The following WDR64 variants were observed in gnomAD, a reference collection of about 807,000 sequenced individuals.
WDR64 encodes WD repeat domain 64, also known as WD repeat-containing protein 64.
WDR64 carries 112 observed loss-of-function variants against 139.3 expected under a neutral mutation model. The observed-to-expected ratio is 0.80, with a 90% confidence interval of 0.69 to 0.94. The LOEUF (loss-of-function observed/expected upper bound fraction) is 0.94. Among genes scored for constraint, WDR64 ranks in the 40% least tolerant of loss-of-function variants. WDR64 has a pLI of 0.00. For synonymous variants in WDR64, 444 were observed against 437.7 expected (o/e 1.01, Z -0.18); for missense variants, 1,206 against 1,293.1 (o/e 0.93, Z 1.03).
At chr1:241,700,995 T>C (rs912527094) in intron 8 of WDR64, among the ~76,000 whole-genome samples, 2 of 152,216 alleles carry the variant, frequency 1.3e-5, no homozygotes, top group Admixed American at 6.5e-5. Context: ...ATTATGATGA[T>C]GCCAACATTC....
intron 8 of WDR64, among the ~76,000 whole-genome samples, chr1:241,692,958 G>A (rs1667354605): frequency 6.6e-6 from 1 of 152,224 alleles, no homozygotes; most frequent in Non-Finnish European, 1.5e-5. Context: ...ATTCATTGCT[G>A]ATGGGAATGC....
At chr1:241,691,903 C>T (rs548713545) in intron 8 of WDR64, among the ~76,000 whole-genome samples, 30 of 151,952 alleles carry the variant, frequency 2.0e-4, no homozygotes, top group African/African-American at 7.0e-4. Context: ...ATCTCAGCTA[C>T]TTGGGAGACT....
chr1:241,795,777 T>C (rs1659345161), intron 26 of WDR64, among the ~76,000 whole-genome samples: 1 of 152,190 alleles, frequency 6.6e-6, no homozygotes, highest in Non-Finnish European at 1.5e-5. Flanking sequence ...CCACCCCAGG[T>C]AACCTTTGTT....
At chr1:241,691,155 G>A (rs916599989) in intron 8 of WDR64, among the ~76,000 whole-genome samples, 3 of 152,066 alleles carry the variant, frequency 2.0e-5, no homozygotes, top group Admixed American at 6.6e-5. Flanking sequence ...TTTAAAAAAT[G>A]TGTAACTTAT....
In WDR64 at chr1:241,652,522, T is replaced by C. The variant is rs1665399826; in HGVS notation, c.38T>C (p.Leu13Pro). ...IRKEKRLNMA[L>P]QMSNFKKALN... ...AAGGAAAAGCGTCTCAACATGGCACTTCAGATGAGCAATTTCAAAAAGGCT... is the reference window on the plus strand; with the variant it reads ...AAGGAAAAGCGTCTCAACATGGCACCTCAGATGAGCAATTTCAAAAAGGCT... Residue 13 changes from leucine to proline, a missense_variant, in exon 1 of 28, where the codon CTT becomes CCT. By Grantham distance (98) the Leu-to-Pro change is moderately conservative. Coordinates refer to ENST00000437684, the MANE Select transcript of WDR64 (RefSeq NM_001367482.1). The C allele has an allele frequency of 6.4e-7, 1 of 1,552,172 alleles. No homozygotes were observed. The highest frequency in any genetic ancestry group is 2.0e-5 in the Admixed American group (1 of 50,994).
At chr1:241,672,316 A>C (rs759633659) in intron 3 of WDR64, among the ~76,000 whole-genome samples, 37 of 151,576 alleles carry the variant, frequency 2.4e-4, no homozygotes, top group Non-Finnish European at 4.6e-4. Flanking sequence ...AGAAAAAGAA[A>C]ACACACACAC....
At chr1:241,689,727 AGAC>A (rs1372089921) in intron 8 of WDR64, among the ~76,000 whole-genome samples, 2 of 152,230 alleles carry the variant, frequency 1.3e-5, no homozygotes, top group East Asian at 3.8e-4. Context: ...AGCAGGCAGC[AGAC>A]AAGAACAGAC....
At chr1:241,736,505 G>C (rs1398126947) in intron 10 of WDR64, among the ~76,000 whole-genome samples, 3 of 151,846 alleles carry the variant, frequency 2.0e-5, no homozygotes, top group African/African-American at 7.3e-5. Flanking sequence ...TTGTGTGAAT[G>C]CACAGAGACC....
At chr1:241,788,799 T>C (rs1296173798) in intron 24 of WDR64, among the ~76,000 whole-genome samples, 2 of 152,130 alleles carry the variant, frequency 1.3e-5, no homozygotes, top group East Asian at 3.9e-4. Context: ...AAGGACTACT[T>C]TGGCTGGCCA....
chr1:241,747,222 G>T (rs930701953), intron 13 of WDR64, among the ~76,000 whole-genome samples: 1 of 152,204 alleles, frequency 6.6e-6, no homozygotes, highest in African/African-American at 2.4e-5. Context: ...GAACATTTCT[G>T]TATATTGGTT....
chr1:241,700,596 G>A (rs1667674599), intron 8 of WDR64, among the ~76,000 whole-genome samples: 1 of 152,208 alleles, frequency 6.6e-6, no homozygotes, highest in Non-Finnish European at 1.5e-5. Flanking sequence ...AAGTGAGTAA[G>A]GGAGCACTTT....
At chr1:241,728,901 C>A (rs1312736124) in intron 10 of WDR64, among the ~76,000 whole-genome samples, 1 of 151,418 alleles carries the variant, frequency 6.6e-6, no homozygotes, top group Non-Finnish European at 1.5e-5. Context: ...GTAAAAGTTG[C>A]TAATTTTCGT....
Position 241,744,533 on chromosome 1 carries a change from G to T in WDR64, c.1594+17G>T, listed in dbSNP as rs369507516. On this transcript the variant is annotated intron_variant, in intron 13 of 27. Coordinates refer to ENST00000437684, the MANE Select transcript of WDR64 (RefSeq NM_001367482.1). ...CGTATAATGGTCAGACTAACATCCA[G>T]AATGTGGCGTCCCTGCTTTAGTGTC... 5.0e-6 allele frequency: 8 copies of T among 1,612,060 alleles called. No homozygotes were observed. The highest frequency in any genetic ancestry group is 6.8e-6 in the Non-Finnish European group (8 of 1,179,598).
chr1:241,780,467 T>C (rs910940883), intron 22 of WDR64, among the ~76,000 whole-genome samples: 1 of 152,250 alleles, frequency 6.6e-6, no homozygotes, highest in Non-Finnish European at 1.5e-5. Context: ...TTCTTATTTC[T>C]AGTCTAAATT....
chr1:241,780,125 G>T (rs1658793975), intron 22 of WDR64, 63 bp downstream of exon 22: 2 of 1,311,208 alleles, frequency 1.5e-6, no homozygotes, highest in Non-Finnish European at 2.1e-6. Flanking sequence ...GCATTTCTCT[G>T]TGCTAGACAC....
chr1:241,753,507 C>T (rs922054332), intron 14 of WDR64, among the ~76,000 whole-genome samples: 4 of 152,130 alleles, frequency 2.6e-5, no homozygotes, highest in African/African-American at 9.7e-5. Context: ...AGTTCAAGAC[C>T]ATCCTGGCCA....
chr1:241,799,122 T>C (rs1315729927), intron 27 of WDR64, among the ~76,000 whole-genome samples: 3 of 141,036 alleles, frequency 2.1e-5, no homozygotes, highest in Non-Finnish European at 4.5e-5. Context: ...TCCCAGCACT[T>C]TGGGAGGCTG....
chr1:241,781,465 T>C (rs1310243438), intron 22 of WDR64, among the ~76,000 whole-genome samples: 2 of 152,296 alleles, frequency 1.3e-5, no homozygotes, highest in East Asian at 3.9e-4. Context: ...TACCAATGCT[T>C]AAACCAGGTC....
intron 14 of WDR64, among the ~76,000 whole-genome samples, chr1:241,754,320 C>CTTTTTTTT (rs71174845): frequency 2.0e-4 from 16 of 81,848 alleles, no homozygotes; most frequent in Admixed American, 3.3e-4. Context: ...TTTTCTTTTT[C>CTTTTTTTT]TTTTTTTTTT....
Sources: gnomAD v4.1 joint callset for allele counts (sites outside exome capture counted in the v4.1 genomes callset) on GRCh38, gnomAD v4.1.1 for gene constraint, MANE v1.5 for transcripts, NCBI Gene and HGNC (gene_info 2026-07-23, HGNC 2026-07-21) for gene names.